TEX44: variants seen among roughly 807,000 people sequenced by gnomAD.
TEX44 encodes testis-expressed protein 44.
For missense variants in TEX44, 487 were observed against 509.6 expected (o/e 0.96, Z 0.43); for synonymous variants, 196 against 205.9 (o/e 0.95, Z 0.41).
Position 231,593,167 on chromosome 2 carries a change from A to G in TEX44, c.216A>G (p.Ala72=), listed in dbSNP as rs2047772843. The change falls in exon 1 of 1, where the codon GCA becomes GCG. Residue 72 remains alanine, a synonymous_variant. Coordinates refer to ENST00000313965, the MANE Select transcript of TEX44 (RefSeq NM_152614.3). ...ISTSGDKDKS[A]VVPEHGQKTP... ...CATCTGGAGACAAAGACAAGAGTGC[A>G]GTTGTTCCAGAACACGGCCAGAAGA... is the stretch of plus-strand genomic sequence containing the variant. 1 of 1,614,158 alleles carries G rather than the reference A, an allele frequency of 6.2e-7. No homozygotes were observed. Among genetic ancestry groups the G allele is most frequent in the Non-Finnish European group, 8.5e-7 (1 of 1,180,030 alleles).
In TEX44 at chr2:231,593,966, A is replaced by T; in HGVS notation, c.1015A>T (p.Ser339Cys). 1 of 1,610,116 alleles carries T rather than the reference A, an allele frequency of 6.2e-7. No homozygotes were observed. Among genetic ancestry groups the T allele is most frequent in the Non-Finnish European group, 8.5e-7 (1 of 1,179,986 alleles). ...RSVPSLVGSV[S>C]SAFSSGLVSG... Reference sequence around the variant, plus strand: ...GGTCCCCAGCCTGGTGGGAAGCGTCAGCTCGGCCTTCTCCTCTGGGCTGGT... The same window carrying T: ...GGTCCCCAGCCTGGTGGGAAGCGTCTGCTCGGCCTTCTCCTCTGGGCTGGT... Residue 339 changes from serine (S) to cysteine (C), a missense_variant, in exon 1 of 1, where the codon AGC becomes TGC. Physicochemically the swap from Ser to Cys is moderately radical, Grantham distance 112. Transcript: ENST00000313965.
chr2:231,593,221 C>T lies in TEX44; in HGVS notation c.270C>T (p.Pro90=). The part of the protein sequence containing the change: ...KTPRKITPLL[P]SQNPSPLQVS... ...CCAGAAAAATCACACCTCTGCTTCC[C>T]AGCCAAAATCCAAGTCCCCTGCAAG... is the stretch of plus-strand genomic sequence containing the variant. The change falls in exon 1 of 1, where the codon CCC becomes CCT. Residue 90 remains proline (P), a synonymous_variant. Coordinates refer to ENST00000313965, the MANE Select transcript of TEX44 (RefSeq NM_152614.3). 1.2e-6 allele frequency: 2 copies of T among 1,614,156 alleles called. No individual in the cohort carries two copies. The highest frequency in any genetic ancestry group is 1.7e-6 in the Non-Finnish European group (2 of 1,180,032).
rs773038725 is a variant in TEX44 at position 231,593,739 on chromosome 2, T to C, written c.788T>C (p.Leu263Pro). The C allele has an allele frequency of 1.1e-5, 17 of 1,611,044 alleles. No homozygotes were observed. Among genetic ancestry groups the C allele is most frequent in the Non-Finnish European group, 1.4e-5 (16 of 1,179,882 alleles). ...GGGAGAAGGCCCCTGGACTCCAGCCTGTACACGGCCAGTGAGGAGAACAGC... is the reference window on the plus strand; with the variant it reads ...GGGAGAAGGCCCCTGGACTCCAGCCCGTACACGGCCAGTGAGGAGAACAGC... ...ALGRRPLDSS[L>P]YTASEENSYM... The change falls in exon 1 of 1, where the codon CTG becomes CCG. Residue 263 changes from leucine (L) to proline (P), a missense_variant. Leu to Pro is a moderately conservative substitution (Grantham distance 98). Transcript: ENST00000313965.
chr2:231,593,723 C>G lies in TEX44; in HGVS notation c.772C>G (p.Pro258Ala), dbSNP rs145591912. The change falls in exon 1 of 1, where the codon CCC becomes GCC. Residue 258 changes from proline to alanine, a missense_variant. By Grantham distance (27) the Pro-to-Ala change is conservative. Transcript: ENST00000313965. The stretch of plus-strand genomic sequence containing the variant: ...CCACGAGGTGGCCCTGGGGAGAAGG[C>G]CCCTGGACTCCAGCCTGTACACGGC... ...GPHEVALGRR[P>A]LDSSLYTASE... The G allele has an allele frequency of 1.4e-5, 22 of 1,610,840 alleles. No homozygotes were observed. In the African/African-American group the frequency reaches 2.9e-4, roughly 21 times the overall value.
chr2:231,593,941 G>C lies in TEX44; in HGVS notation c.990G>C (p.Ser330=). 1 of 1,609,640 alleles carries C rather than the reference G, an allele frequency of 6.2e-7. No individual in the cohort carries two copies. The highest frequency in any genetic ancestry group is 8.5e-7 in the Non-Finnish European group (1 of 1,179,968). ...ACAGCTCGGGGCCCAGCTTGCGCTCGGTCCCCAGCCTGGTGGGAAGCGTCA... is the reference window on the plus strand; with the variant it reads ...ACAGCTCGGGGCCCAGCTTGCGCTCCGTCCCCAGCCTGGTGGGAAGCGTCA... ...LLHSSGPSLR[S]VPSLVGSVSS... The change falls in exon 1 of 1, where the codon TCG becomes TCC. Residue 330 remains serine, a synonymous_variant. Coordinates refer to ENST00000313965, the MANE Select transcript of TEX44 (RefSeq NM_152614.3).
rs1331614074 is a variant in TEX44 at position 231,593,326 on chromosome 2, A to C, written c.375A>C (p.Pro125=). The C allele has an allele frequency of 3.1e-6, 5 of 1,614,196 alleles. No individual in the cohort carries two copies. Among genetic ancestry groups the C allele is most frequent in the Non-Finnish European group, 4.2e-6 (5 of 1,180,028 alleles). ...CAAGTCAGAGTCTAGTGGTTTTCCC[A>C]AGTCACCTCCTGGGTAAAGACAAGA... ...ARTSQSLVVF[P]SHLLGKDKMS... Residue 125 remains proline, a synonymous_variant, in exon 1 of 1, where the codon CCA becomes CCC. Transcript: ENST00000313965.
rs781309562 is a variant in TEX44 at position 231,593,785 on chromosome 2, C to G, written c.834C>G (p.Ser278Arg). The G allele has an allele frequency of 3.5e-5, 57 of 1,611,996 alleles. No homozygotes were observed. Among genetic ancestry groups the G allele is most frequent in the Non-Finnish European group, 4.8e-5 (57 of 1,180,026 alleles). The stretch of plus-strand genomic sequence containing the variant: ...ACAGCTACATGCGCTCCATGACCAG[C>G]CTGCTGGACAGGGGCGAGGGCTCCA... ...EENSYMRSMT[S>R]LLDRGEGSIS... Residue 278 changes from serine to arginine, a missense_variant, in exon 1 of 1, where the codon AGC becomes AGG. Coordinates refer to ENST00000313965, the MANE Select transcript of TEX44 (RefSeq NM_152614.3).
rs2047780237 is a variant in TEX44, at chr2:231,593,834, G to C, written c.883G>C (p.Val295Leu). ...CATCAGCTCCCTGGCAGACATCCTG[G>C]TGTGGTCCGAGACCACCATGGGCAT... Reference protein sequence around the residue: ...GSISSLADILVWSETTMGMAI... With the variant: ...GSISSLADILLWSETTMGMAI... Residue 295 changes from valine (V) to leucine (L), a missense_variant, in exon 1 of 1, where the codon GTG (valine) becomes CTG (leucine). Transcript: ENST00000313965. The C allele has an allele frequency of 6.2e-7, 1 of 1,611,140 alleles. No individual in the cohort carries two copies. Among genetic ancestry groups the C allele is most frequent in the Admixed American group, 1.7e-5 (1 of 60,014 alleles).
rs755196757 is a variant in TEX44 at position 231,593,685 on chromosome 2, C to T, written c.734C>T (p.Pro245Leu). The change falls in exon 1 of 1, where the codon CCG (proline) becomes CTG (leucine). Residue 245 changes from proline to leucine, a missense_variant. Physicochemically the swap from Pro to Leu is moderately conservative, Grantham distance 98. Coordinates refer to ENST00000313965, the MANE Select transcript of TEX44 (RefSeq NM_152614.3). ...CCACCTCCAGCAGGCAGTGTGTCCC[C>T]GTCGCCTGGCCCCCACGAGGTGGCC... ...FPPPPAGSVS[P>L]SPGPHEVALG... 7 of 1,612,256 alleles carry T rather than the reference C, an allele frequency of 4.3e-6. No homozygotes were observed. Among genetic ancestry groups the T allele is most frequent in the African/African-American group, 4.0e-5 (3 of 74,950 alleles).
In TEX44 at chr2:231,593,629, C is replaced by T. The variant is rs1406566674; in HGVS notation, c.678C>T (p.Ser226=). ...CAATGGGGGCAAATGTGGTGGACAGCTTAGGAGACCTGCAGACTTGGTTCT... is the reference window on the plus strand; with the variant it reads ...CAATGGGGGCAAATGTGGTGGACAGTTTAGGAGACCTGCAGACTTGGTTCT... ...PVAMGANVVD[S]LGDLQTWFFP... The change falls in exon 1 of 1, where the codon AGC becomes AGT. Residue 226 remains serine, a synonymous_variant. Coordinates refer to ENST00000313965, the MANE Select transcript of TEX44 (RefSeq NM_152614.3). 6.2e-7 allele frequency: 1 copy of T among 1,613,702 alleles called. No homozygotes were observed. Among genetic ancestry groups the T allele is most frequent in the Non-Finnish European group, 8.5e-7 (1 of 1,180,036 alleles).
At chr2:231,593,385 CG>C in the TEX44 span, 11 of 1,614,052 alleles carry the variant, frequency 6.8e-6, no homozygotes, top group Non-Finnish European at 9.3e-6. Flanking sequence ...GAGAGAGAGC[CG>C]GAGTCAGCCC....
At position 231,593,277 on chromosome 2, in the gene TEX44, A is replaced by G; in HGVS notation, c.326A>G (p.Asp109Gly). The G allele has an allele frequency of 6.2e-7, 1 of 1,614,188 alleles. No homozygotes were observed. The highest frequency in any genetic ancestry group is 8.5e-7 in the Non-Finnish European group (1 of 1,180,044). The change falls in exon 1 of 1, where the codon GAC (aspartate) becomes GGC (glycine). Residue 109 changes from aspartate (D) to glycine (G), a missense_variant. Asp to Gly is a moderately conservative substitution (Grantham distance 94). Transcript: ENST00000313965. ...ATGAGCCTTCAGAATCCAGCGTGGG[A>G]CAGGCAGGTTCAAGACGCAAGGACA... ...VSMSLQNPAW[D>G]RQVQDARTSQ... is the part of the protein sequence containing the mutation.
chr2:231,593,871 C>T lies in TEX44; in HGVS notation c.920C>T (p.Thr307Ile). Residue 307 changes from threonine (T) to isoleucine (I), a missense_variant, in exon 1 of 1, where the codon ACA (threonine) becomes ATA (isoleucine). Thr to Ile is a moderately conservative substitution (Grantham distance 89, BLOSUM62 -1). Transcript: ENST00000313965. ...ACCACCATGGGCATGGCCATAGCCACAGGCTTCCTGGATTCCGGCCACAGC... is the reference window on the plus strand; with the variant it reads ...ACCACCATGGGCATGGCCATAGCCATAGGCTTCCTGGATTCCGGCCACAGC... ...SETTMGMAIATGFLDSGHSTV... is the reference protein window; with the variant it reads ...SETTMGMAIAIGFLDSGHSTV... The T allele has an allele frequency of 6.2e-7, 1 of 1,610,502 alleles. No homozygotes were observed. Among genetic ancestry groups the T allele is most frequent in the East Asian group, 2.2e-5 (1 of 44,876 alleles).
chr2:231,593,453 G>T, the TEX44 span: 3 of 1,614,178 alleles, frequency 1.9e-6, no homozygotes, highest in Non-Finnish European at 8.5e-7. Flanking sequence ...TCAGCCCGTC[G>T]AGAGTGATGC....
At position 231,592,902 on chromosome 2, in the gene TEX44, G is replaced by A. The variant is rs1255642576; in HGVS notation, c.-50G>A. On this transcript the variant is annotated 5_prime_UTR_variant, in exon 1 of 1. An upstream start codon of the reference 5' UTR is lost. Transcript: ENST00000313965. Reference sequence around the variant, plus strand: ...GCCACAAGCAGCAAAGGGCATAGATGACCACAGGAGAGCCCTAGGGGGAGG... The same window carrying A: ...GCCACAAGCAGCAAAGGGCATAGATAACCACAGGAGAGCCCTAGGGGGAGG... The A allele has an allele frequency of 2.0e-6, 3 of 1,477,372 alleles. No homozygotes were observed. The highest frequency in any genetic ancestry group is 1.7e-4 in the Middle Eastern group (1 of 5,740). 91.5% of individuals were successfully genotyped at this position (1,477,372 alleles called of 1,614,324 possible).
At position 231,594,126 on chromosome 2, in the gene TEX44, C is replaced by T; in HGVS notation, c.1175C>T (p.Pro392Leu). 1 of 1,613,024 alleles carries T rather than the reference C, an allele frequency of 6.2e-7. No homozygotes were observed. The highest frequency in any genetic ancestry group is 8.5e-7 in the Non-Finnish European group (1 of 1,179,842). Residue 392 changes from proline (P) to leucine (L), a missense_variant, in exon 1 of 1, where the codon CCC (proline) becomes CTC (leucine). Pro to Leu is a moderately conservative substitution (Grantham distance 98). Transcript: ENST00000313965. ...HLTPRQAQAD[P>L]NYD ...ACCCCACGCCAGGCCCAGGCTGACC[C>T]CAACTATGATTAGAGCCCTGCACAG...
Position 231,593,804 on chromosome 2 carries a change from G to A in TEX44, c.853G>A (p.Gly285Ser), listed in dbSNP as rs768456135. 4 of 1,611,966 alleles carry A rather than the reference G, an allele frequency of 2.5e-6. No individual in the cohort carries two copies. Among genetic ancestry groups the A allele is most frequent in the Non-Finnish European group, 3.4e-6 (4 of 1,180,016 alleles). ...SMTSLLDRGEGSISSLADILV... is the reference protein window; with the variant it reads ...SMTSLLDRGESSISSLADILV... ...GACCAGCCTGCTGGACAGGGGCGAG[G>A]GCTCCATCAGCTCCCTGGCAGACAT... Residue 285 changes from glycine (G) to serine (S), a missense_variant, in exon 1 of 1, where the codon GGC becomes AGC. Coordinates refer to ENST00000313965, the MANE Select transcript of TEX44 (RefSeq NM_152614.3).
rs764123174 is a variant in TEX44, at chr2:231,593,649, G to C, written c.698G>C (p.Trp233Ser). ...VVDSLGDLQT[W>S]FFPPPPAGSV... is the part of the protein sequence containing the mutation. ...GACAGCTTAGGAGACCTGCAGACTT[G>C]GTTCTTCCCTCCACCTCCAGCAGGC... The change falls in exon 1 of 1, where the codon TGG becomes TCG. Residue 233 changes from tryptophan to serine, a missense_variant. Trp to Ser is a radical substitution (Grantham distance 177, BLOSUM62 -3). Transcript: ENST00000313965. The C allele has an allele frequency of 6.2e-7, 1 of 1,613,628 alleles. No individual in the cohort carries two copies. The highest frequency in any genetic ancestry group is 1.1e-5 in the South Asian group (1 of 91,084).
Position 231,592,923 on chromosome 2 carries a change from G to A in TEX44, c.-29G>A. 2 of 1,578,550 alleles carry A rather than the reference G, an allele frequency of 1.3e-6. No individual in the cohort carries two copies. Among genetic ancestry groups the A allele is most frequent in the East Asian group, 2.2e-5 (1 of 44,580 alleles). On this transcript the variant is annotated 5_prime_UTR_variant, in exon 1 of 1. Transcript: ENST00000313965. ...AGATGACCACAGGAGAGCCCTAGGG[G>A]GAGGCCGGCTCCACCAGCAGCCCCA...
Sources: gnomAD v4.1 joint callset for allele counts on GRCh38, gnomAD v4.1.1 for gene constraint, MANE v1.5 for transcripts, NCBI Gene and HGNC (gene_info 2026-07-23, HGNC 2026-07-21) for gene names.